TNRC6B: variants seen among roughly 807,000 people sequenced by gnomAD.
TNRC6B encodes the protein trinucleotide repeat containing adaptor 6B.
TNRC6B carries 52 observed loss-of-function variants against 203.6 expected under a neutral mutation model. The ratio of observed to expected loss-of-function variants is 0.26; its 90% CI spans 0.20 to 0.32. The LOEUF is 0.32. TNRC6B is among the 10% of genes least tolerant of loss of function. The pLI is 1.00. For synonymous variants in TNRC6B, 838 were observed against 845.7 expected, an observed-to-expected ratio of 0.99 and a Z score of 0.16; for missense variants, 1,923 against 2,286.2, an observed-to-expected ratio of 0.84 and a Z score of 3.24.
intron 4 of TNRC6B, among the ~76,000 whole-genome samples, chr22:40,157,394 GA>G (rs2068827187): frequency 6.6e-6 from 1 of 151,948 alleles, no homozygotes; most frequent in Non-Finnish European, 1.5e-5. Context: ...TCTGTCTTAA[GA>G]AAATTATGTC....
chr22:40,279,987 C>T lies in TNRC6B; in HGVS notation c.3263-8C>T, dbSNP rs1337845624. 2.5e-6 allele frequency: 4 copies of T among 1,613,726 alleles called. No individual in the cohort carries two copies. The highest frequency in any genetic ancestry group is 3.4e-6 in the Non-Finnish European group (4 of 1,179,746). On this transcript the variant is annotated splice_region_variant and splice_polypyrimidine_tract_variant and intron_variant, in intron 9 of 22. Transcript: ENST00000454349. Reference sequence around the variant, plus strand: ...GGAAATTTTCACTCTGTGTATGCTACTTTTCAGGAAGCCTTTCAGATAAAA... The same window carrying T: ...GGAAATTTTCACTCTGTGTATGCTATTTTTCAGGAAGCCTTTCAGATAAAA...
At chr22:40,126,580 A>ATTTTTTTTT (rs955369459) in intron 3 of TNRC6B, among the ~76,000 whole-genome samples, 5 of 88,774 alleles carry the variant, frequency 5.6e-5, no homozygotes, top group African/African-American at 9.8e-5. Flanking sequence ...ACGTTATTTA[A>ATTTTTTTTT]TTTTTTTTTT....
chr22:40,195,490 C>T (rs911161835), intron 1 of TNRC6B, among the ~76,000 whole-genome samples: 1 of 152,088 alleles, frequency 6.6e-6, no homozygotes, highest in African/African-American at 2.4e-5. Flanking sequence ...AGAGACAGGG[C>T]TTTGCTCTGT....
At chr22:40,321,006 C>A in intron 21 of TNRC6B, 84 bp from the exon 22 acceptor site, 1 of 1,532,590 alleles carries the variant, frequency 6.5e-7, no homozygotes. Flanking sequence ...CACACTAGGT[C>A]TCAGCCAGTG....
intron 1 of TNRC6B, among the ~76,000 whole-genome samples, chr22:40,064,947 A>G (rs5995800): frequency 0.07 from 10,636 of 151,952 alleles, 1,208 homozygotes; most frequent in African/African-American, 0.23. Flanking sequence ...TGCTATATTT[A>G]ACTTGCTAGT....
intron 4 of TNRC6B, among the ~76,000 whole-genome samples, chr22:40,166,721 C>T (rs2146363229): frequency 6.6e-6 from 1 of 151,704 alleles, no homozygotes; most frequent in South Asian, 2.1e-4. Flanking sequence ...ATGGTGAAAC[C>T]CCGTCTCTAC....
chr22:40,212,839 G>A (rs1016880301), intron 1 of TNRC6B, among the ~76,000 whole-genome samples: 8 of 151,932 alleles, frequency 5.3e-5, no homozygotes, highest in South Asian at 2.1e-4. Flanking sequence ...TAGTAGAGAC[G>A]GAGTTTCACC....
rs1247187566 is a variant in TNRC6B, at chr22:40,308,563, G to C, written c.4172G>C (p.Gly1391Ala). ...DYGMVGGKEAGTESRFKQWTS... is the reference protein window; with the variant it reads ...DYGMVGGKEAATESRFKQWTS... Reference sequence around the variant, plus strand: ...GGCATGGTTGGTGGGAAGGAGGCTGGAACCGAGTCTCGCTTTAAACAGTGG... The same window carrying C: ...GGCATGGTTGGTGGGAAGGAGGCTGCAACCGAGTCTCGCTTTAAACAGTGG... The change falls in exon 16 of 23, where the codon GGA becomes GCA. Residue 1391 changes from glycine to alanine, a missense_variant. Gly to Ala is a moderately conservative substitution (Grantham distance 60). This residue lies in a region of TNRC6B where 242 missense variants were observed against 399.5 expected (regional missense o/e 0.61). Coordinates refer to ENST00000454349, the MANE Select transcript of TNRC6B (RefSeq NM_001162501.2). The C allele has an allele frequency of 6.2e-7, 1 of 1,613,862 alleles. No individual in the cohort carries two copies. The highest frequency in any genetic ancestry group is 8.5e-7 in the Non-Finnish European group (1 of 1,179,902).
chr22:40,133,970 CAAAAAAAAAAAAAA>C (rs57924620), intron 3 of TNRC6B, among the ~76,000 whole-genome samples: 3 of 45,952 alleles, frequency 6.5e-5, no homozygotes, highest in African/African-American at 8.7e-5. Flanking sequence ...AGCTCCGTCT[CAAAAAAAAAAAAAA>C]AAAAAAAAAA....
chr22:40,115,285 C>G (rs1284195021), intron 1 of TNRC6B, among the ~76,000 whole-genome samples: 1 of 152,162 alleles, frequency 6.6e-6, no homozygotes, highest in African/African-American at 2.4e-5. Flanking sequence ...AAGCGGGAAA[C>G]TTTAATCAGA....
At chr22:40,302,363 G>T (rs527946585) in intron 15 of TNRC6B, among the ~76,000 whole-genome samples, 1 of 152,080 alleles carries the variant, frequency 6.6e-6, no homozygotes, top group Non-Finnish European at 1.5e-5. Context: ...GGCCGCGCGC[G>T]GTGACTCACA....
At chr22:40,223,329 CG>C (rs2069741274) in intron 1 of TNRC6B, among the ~76,000 whole-genome samples, 1 of 152,016 alleles carries the variant, frequency 6.6e-6, no homozygotes, top group East Asian at 1.9e-4. Context: ...TTAGTGGAGA[CG>C]GGGTTTCACC....
At chr22:40,071,564 G>C (rs926386577) in intron 1 of TNRC6B, among the ~76,000 whole-genome samples, 8 of 152,152 alleles carry the variant, frequency 5.3e-5, no homozygotes, top group African/African-American at 1.9e-4. Context: ...AACTCCAAAT[G>C]GTACAGAAGT....
At position 40,104,479 on chromosome 22, in the gene TNRC6B, A is replaced by T. The variant is rs529352305; in HGVS notation, c.-120-12576A>T. Among the ~76,000 whole-genome samples the T allele has an allele frequency of 2.6e-5, 4 of 152,312 alleles. No homozygotes were observed. The East Asian group carries it at 7.7e-4, about 29-fold the overall frequency. Reference sequence around the variant, plus strand: ...AAAGGACTACTTCTGTATGTGATGTAGATCCAAATTTGGAGTCAGTTTATT... The same window carrying T: ...AAAGGACTACTTCTGTATGTGATGTTGATCCAAATTTGGAGTCAGTTTATT... On this transcript the variant is annotated intron_variant, in intron 1 of 23. Transcript: ENST00000301923.
In TNRC6B at chr22:40,266,410, G is replaced by C; in HGVS notation, c.2180G>C (p.Ser727Thr). 1 of 1,613,882 alleles carries C rather than the reference G, an allele frequency of 6.2e-7. No individual in the cohort carries two copies. Among genetic ancestry groups the C allele is most frequent in the East Asian group, 2.2e-5 (1 of 44,884 alleles). Reference sequence around the variant, plus strand: ...CCTTCCTCTTGGAATGAGAATCCCAGCAAGGATCAGGGGTGGGGAGGTGGA... The same window carrying C: ...CCTTCCTCTTGGAATGAGAATCCCACCAAGGATCAGGGGTGGGGAGGTGGA... ...KTPSSWNENPSKDQGWGGGRQ... is the reference protein window; with the variant it reads ...KTPSSWNENPTKDQGWGGGRQ... The change falls in exon 5 of 23, where the codon AGC (serine) becomes ACC (threonine). Residue 727 changes from serine to threonine, a missense_variant. By Grantham distance (58) the Ser-to-Thr change is moderately conservative. Transcript: ENST00000454349.
At chr22:40,058,644 C>T (rs1271260973) in intron 1 of TNRC6B, among the ~76,000 whole-genome samples, 1 of 152,170 alleles carries the variant, frequency 6.6e-6, no homozygotes, top group Non-Finnish European at 1.5e-5. Context: ...GGGTGCTTTT[C>T]AGAAAGGTAA....
At chr22:40,109,413 G>A (rs1041658843) in intron 1 of TNRC6B, among the ~76,000 whole-genome samples, 6 of 152,102 alleles carry the variant, frequency 3.9e-5, no homozygotes, top group South Asian at 4.1e-4. Context: ...GCGTAAAAGC[G>A]TTCTTATCTC....
intron 8 of TNRC6B, among the ~76,000 whole-genome samples, chr22:40,277,363 T>C (rs1411347084): frequency 2.0e-5 from 3 of 152,372 alleles, no homozygotes; most frequent in African/African-American, 7.2e-5. Context: ...TTTAAATGTG[T>C]AGTCATTTTG....
At chr22:40,250,148 A>G (rs1241000505) in intron 2 of TNRC6B, among the ~76,000 whole-genome samples, 1 of 152,268 alleles carries the variant, frequency 6.6e-6, no homozygotes, top group Non-Finnish European at 1.5e-5. Flanking sequence ...CCAAGTAAAA[A>G]TGCTTTAAAA....
Sources: allele counts gnomAD v4.1 joint callset (sites outside exome capture counted in the v4.1 genomes callset), GRCh38; gene constraint gnomAD v4.1.1; regional missense constraint gnomAD v4.1.1; transcripts MANE v1.5; gene names NCBI Gene and HGNC (gene_info 2026-07-23, HGNC 2026-07-21).